Variants in ADCY2 observed in about 807,000 individuals in gnomAD.
The protein encoded by ADCY2 is adenylate cyclase 2, also known as adenylate cyclase type 2.
In ADCY2, 31 loss-of-function variants were observed where a neutral mutation model predicts 125.2. The ratio of observed to expected loss-of-function variants is 0.25; its 90% confidence interval spans 0.19 to 0.33. ADCY2 has a LOEUF of 0.33. ADCY2 is among the 10% of genes least tolerant of loss of function. The pLI is 1.00. For synonymous variants in ADCY2, 512 were observed against 548.4 expected, an observed-to-expected ratio of 0.93 and a Z score of 0.93; for missense variants, 904 against 1,418.2, an observed-to-expected ratio of 0.64 and a Z score of 5.82.
In ADCY2 at chr5:7,626,833, G is replaced by T. The variant is rs554662723; in HGVS notation, c.720+517G>T. 3.2e-4 allele frequency among the ~76,000 whole-genome samples: 48 copies of T among 152,000 alleles called. 1 individual carries two copies. The Middle Eastern group carries it at 0.01, about 33-fold the overall frequency. On this transcript the variant is annotated intron_variant, in intron 4 of 24. Coordinates refer to ENST00000338316, the MANE Select transcript of ADCY2 (RefSeq NM_020546.3). ...CACCAGGCCTCACCTCCAACACTGG[G>T]GATCAAATTTCAACATGAGATTTGG...
At chr5:7,433,762 G>T (rs1740694738) in intron 2 of ADCY2, among the ~76,000 whole-genome samples, 1 of 151,950 alleles carries the variant, frequency 6.6e-6, no homozygotes, top group Non-Finnish European at 1.5e-5. Flanking sequence ...GGAGAGCTCA[G>T]AAAGAGACTT....
intron 2 of ADCY2, among the ~76,000 whole-genome samples, chr5:7,418,259 C>T (rs764791433): frequency 6.6e-6 from 1 of 152,180 alleles, no homozygotes; most frequent in African/African-American, 2.4e-5. Context: ...TCCCACGCCA[C>T]TGGGGCCCTG....
intron 3 of ADCY2, among the ~76,000 whole-genome samples, chr5:7,578,384 G>A (rs1051099795): frequency 2.0e-5 from 3 of 152,138 alleles, no homozygotes; most frequent in African/African-American, 4.8e-5. Flanking sequence ...AATACAGCAC[G>A]GAGGTTCCCC....
chr5:7,475,474 C>T (rs917142553), intron 2 of ADCY2, among the ~76,000 whole-genome samples: 22 of 152,012 alleles, frequency 1.4e-4, no homozygotes, highest in South Asian at 2.1e-4. Context: ...CTCCGTCCCC[C>T]GGGTTTGAGA....
At chr5:7,584,508 A>T (rs1240136016) in intron 3 of ADCY2, among the ~76,000 whole-genome samples, 1 of 152,146 alleles carries the variant, frequency 6.6e-6, no homozygotes, top group Non-Finnish European at 1.5e-5. Flanking sequence ...AAAGAAATAG[A>T]TCAAAAAGAA....
At chr5:7,652,761 G>T (rs1307580893) in intron 4 of ADCY2, among the ~76,000 whole-genome samples, 1 of 152,156 alleles carries the variant, frequency 6.6e-6, no homozygotes, top group Non-Finnish European at 1.5e-5. Flanking sequence ...TGGTGATGCT[G>T]GGCATAGGTT....
intron 2 of ADCY2, among the ~76,000 whole-genome samples, chr5:7,480,228 A>C (rs772138034): frequency 4.9e-5 from 7 of 144,218 alleles, no homozygotes; most frequent in Non-Finnish European, 7.5e-5. Context: ...ACCTAAAGAC[A>C]GAAATACCAA....
At chr5:7,524,052 AG>A in intron 3 of ADCY2, among the ~76,000 whole-genome samples, 1 of 146,190 alleles carries the variant, frequency 6.8e-6, no homozygotes, top group African/African-American at 2.8e-5. Context: ...GCTGCATAAG[AG>A]AGTTCATTGT....
Position 7,511,432 on chromosome 5 carries a change from G to A in ADCY2, c.409-9306G>A, listed in dbSNP as rs557850810. ...CTACTAAAAATACAAAAAATTAGCC[G>A]GGTGTGGTGGTGCACACCTGTAGTC... On this transcript the variant is annotated intron_variant, in intron 2 of 24. Coordinates refer to ENST00000338316, the MANE Select transcript of ADCY2 (RefSeq NM_020546.3). Among the ~76,000 whole-genome samples the A allele has an allele frequency of 2.6e-4, 39 of 151,920 alleles. No homozygotes were observed. The South Asian group carries it at 5.4e-3, about 21-fold the overall frequency.
intron 2 of ADCY2, among the ~76,000 whole-genome samples, chr5:7,510,829 T>G (rs1404632532): frequency 6.6e-6 from 1 of 152,248 alleles, no homozygotes; most frequent in Non-Finnish European, 1.5e-5. Flanking sequence ...TTACAGTGTG[T>G]GTGTGTCTTT....
At chr5:7,424,368 C>A (rs897608843) in intron 2 of ADCY2, among the ~76,000 whole-genome samples, 2 of 152,214 alleles carry the variant, frequency 1.3e-5, no homozygotes, top group Admixed American at 6.5e-5. Context: ...AATTGAAGCC[C>A]AGAAAAGTTA....
intron 2 of ADCY2, among the ~76,000 whole-genome samples, chr5:7,465,739 A>T (rs183124969): frequency 8.5e-5 from 13 of 152,236 alleles, no homozygotes; most frequent in Admixed American, 7.2e-4. Flanking sequence ...ATGTGTGTGT[A>T]TAGATAGATC....
intron 14 of ADCY2, among the ~76,000 whole-genome samples, chr5:7,731,791 T>C (rs1460826242): frequency 1.3e-5 from 2 of 151,012 alleles, no homozygotes; most frequent in Non-Finnish European, 3.0e-5. Context: ...TTAGTAGAGA[T>C]GGAGTTTCAC....
chr5:7,449,280 C>G (rs970930513), intron 2 of ADCY2, among the ~76,000 whole-genome samples: 2 of 152,142 alleles, frequency 1.3e-5, no homozygotes, highest in African/African-American at 2.4e-5. Flanking sequence ...TTCATTCAAT[C>G]CAGAAAAACC....
At chr5:7,457,976 T>G (rs1741761404) in intron 2 of ADCY2, among the ~76,000 whole-genome samples, 1 of 152,236 alleles carries the variant, frequency 6.6e-6, no homozygotes, top group Non-Finnish European at 1.5e-5. Flanking sequence ...CAAGCATAGT[T>G]TCCTCACTTT....
chr5:7,772,225 C>T (rs867628195), intron 17 of ADCY2, among the ~76,000 whole-genome samples: 3 of 152,160 alleles, frequency 2.0e-5, no homozygotes, highest in African/African-American at 4.8e-5. Flanking sequence ...CCTATCTGAA[C>T]GGTGCCTGCA....
chr5:7,790,928 C>A (rs1744231938), intron 20 of ADCY2, among the ~76,000 whole-genome samples: 1 of 152,082 alleles, frequency 6.6e-6, no homozygotes, highest in Non-Finnish European at 1.5e-5. Context: ...TTATGCCTTC[C>A]TCTGCTTGAG....
At chr5:7,616,856 G>A (rs1361319435) in intron 3 of ADCY2, among the ~76,000 whole-genome samples, 2 of 152,086 alleles carry the variant, frequency 1.3e-5, no homozygotes, top group African/African-American at 2.4e-5. Flanking sequence ...GATCTTTAGG[G>A]TGGGCCCTAA....
chr5:7,427,568 G>A (rs753283527), intron 2 of ADCY2, among the ~76,000 whole-genome samples: 18 of 152,086 alleles, frequency 1.2e-4, no homozygotes, highest in Non-Finnish European at 1.9e-4. Context: ...CCCACAACAC[G>A]TAGGGATTAT....
Sources: gnomAD v4.1 joint callset for allele counts (sites outside exome capture counted in the v4.1 genomes callset) on GRCh38, gnomAD v4.1.1 for gene constraint, MANE v1.5 for transcripts, NCBI Gene and HGNC (gene_info 2026-07-23, HGNC 2026-07-21) for gene names.